Variants in CYP4V2 observed in about 807,000 individuals in gnomAD.
The protein encoded by CYP4V2 is cytochrome P450 4V2.
CYP4V2 carries 55 observed loss-of-function variants against 60.8 expected under a neutral mutation model. That is an observed-to-expected ratio of 0.90 (90% CI 0.73 to 1.13). The LOEUF (loss-of-function observed/expected upper bound fraction) is 1.13. Among genes scored for constraint, CYP4V2 ranks in the 50% most tolerant of loss-of-function variants. The pLI is 0.00. For missense variants in CYP4V2, 675 were observed against 662.9 expected, an observed-to-expected ratio of 1.02 and a Z score of -0.20; for synonymous variants, 239 against 236.8, an observed-to-expected ratio of 1.01 and a Z score of -0.08.
At chr4:186,209,906 C>G (rs907869577) in intron 10 of CYP4V2, among the ~76,000 whole-genome samples, 1 of 152,148 alleles carries the variant, frequency 6.6e-6, no homozygotes, top group African/African-American at 2.4e-5. Context: ...GTGGTAAAAA[C>G]TTTATTAATG....
intron 7 of CYP4V2, chr4:186,203,045 TAC>T (rs1736369893): frequency 7.0e-6 from 1 of 143,722 alleles, no homozygotes; most frequent in Non-Finnish European, 1.5e-5. Flanking sequence ...CATATACACA[TAC>T]ATAGATGCAC....
At chr4:186,210,369 C>T (rs1362828865) in intron 10 of CYP4V2, 100 bp from the exon 11 acceptor site, 12 of 1,510,552 alleles carry the variant, frequency 7.9e-6, no homozygotes, top group South Asian at 6.9e-5. Context: ...CCACCTACTG[C>T]GAAAATGTAA....
chr4:186,192,210 G>T (rs1211480849), intron 1 of CYP4V2, 173 bp downstream of exon 1: 2 of 817,976 alleles, frequency 2.4e-6, no homozygotes, highest in East Asian at 2.6e-5. Context: ...CGCCGACACT[G>T]CTAGTGCCCC....
Position 186,195,335 on chromosome 4 carries a change from A to G in CYP4V2, c.328-668A>G, listed in dbSNP as rs1179543081. 1.3e-5 allele frequency among the ~76,000 whole-genome samples: 2 copies of G among 151,316 alleles called. No homozygotes were observed. Among genetic ancestry groups the G allele is most frequent in the South Asian group, 2.1e-4 (1 of 4,810 alleles). On this transcript the variant is annotated intron_variant, in intron 2 of 10. Coordinates refer to ENST00000378802, the MANE Select transcript of CYP4V2 (RefSeq NM_207352.4). This position sits in a 1 kb window ranked among gnomAD's most constrained non-coding sequence, Gnocchi z 4.1. ...AGAGAAGAGAGCAAGAAGGGCAGAC[A>G]GGATTTCTGCCGCTGTTGGCCTAGT...
chr4:186,197,080 C>A lies in CYP4V2; in HGVS notation c.554C>A (p.Ala185Glu), dbSNP rs758719879. 3 of 1,613,776 alleles carry A rather than the reference C, an allele frequency of 1.9e-6. No homozygotes were observed. In the Admixed American group the frequency reaches 5.0e-5, roughly 27 times the overall value. Residue 185 changes from alanine to glutamate, a missense_variant, in exon 4 of 11, where the codon GCA (alanine) becomes GAA (glutamate). Physicochemically the swap from Ala to Glu is moderately radical, Grantham distance 107. Coordinates refer to ENST00000378802, the MANE Select transcript of CYP4V2 (RefSeq NM_207352.4). ...CTTGAAAAACACATTAACCAAGAAG[C>A]ATTTAACTGCTTTTTTTACATCACT... The part of the protein sequence containing the change: ...KKLEKHINQE[A>E]FNCFFYITLC...
Position 186,199,074 on chromosome 4 carries a change from TACC to T in CYP4V2, c.794_796del (p.Thr265del), listed in dbSNP as rs1736234824. 6.2e-7 allele frequency: 1 copy of T among 1,613,576 alleles called. No individual in the cohort carries two copies. Among genetic ancestry groups the T allele is most frequent in the South Asian group, 1.1e-5 (1 of 91,066 alleles). ...AGAGCCTTCAGATCCTACATACTTT[TACC>T]AACAGTGTAAGTCCCTGACTTTTAC... On this transcript the variant is annotated inframe_deletion, in exon 6 of 11. Transcript: ENST00000378802.
At chr4:186,202,360 T>C (rs930448730) in intron 7 of CYP4V2, 2 of 152,178 alleles carry the variant, frequency 1.3e-5, no homozygotes, top group African/African-American at 4.8e-5. Flanking sequence ...AAATCCCAGC[T>C]AACATGCTGG....
Position 186,197,047 on chromosome 4 carries a change from T to C in CYP4V2, c.521T>C (p.Val174Ala), listed in dbSNP as rs760949006. The C allele has an allele frequency of 1.2e-6, 2 of 1,613,720 alleles. No homozygotes were observed. The highest frequency in any genetic ancestry group is 3.3e-5 in the Admixed American group (2 of 59,996). Reference sequence around the variant, plus strand: ...ATGAATGAACAAGCAAATATATTGGTTAAGAAACTTGAAAAACACATTAAC... The same window carrying C: ...ATGAATGAACAAGCAAATATATTGGCTAAGAAACTTGAAAAACACATTAAC... ...DIMNEQANIL[V>A]KKLEKHINQE... is the part of the protein sequence containing the mutation. Residue 174 changes from valine (V) to alanine (A), a missense_variant, in exon 4 of 11, where the codon GTT becomes GCT. By Grantham distance (64) the Val-to-Ala change is moderately conservative. Coordinates refer to ENST00000378802, the MANE Select transcript of CYP4V2 (RefSeq NM_207352.4).
intron 1 of CYP4V2, 46 bp downstream of exon 1, chr4:186,192,083 C>G (rs950505004): frequency 9.3e-5 from 142 of 1,534,738 alleles, no homozygotes; most frequent in Non-Finnish European, 1.2e-4. Context: ...TCCGCAGCCC[C>G]GTTCCCACCC....
chr4:186,209,103 A>G lies in CYP4V2; in HGVS notation c.1236A>G (p.Arg412=). Residue 412 remains arginine, a synonymous_variant, in exon 10 of 11, where the codon AGA becomes AGG. Coordinates refer to ENST00000378802, the MANE Select transcript of CYP4V2 (RefSeq NM_207352.4). The part of the protein sequence containing the change: ...VSEDCEVAGY[R]VLKGTEAVII... ...ACTACTTCTTGACAGCAGGTTACAG[A>G]GTTCTAAAAGGCACTGAAGCCGTCA... is the stretch of plus-strand genomic sequence containing the variant. 1 of 1,614,094 alleles carries G rather than the reference A, an allele frequency of 6.2e-7. No homozygotes were observed. Among genetic ancestry groups the G allele is most frequent in the Non-Finnish European group, 8.5e-7 (1 of 1,180,018 alleles).
chr4:186,200,703 A>C (rs1009214079), intron 6 of CYP4V2, among the ~76,000 whole-genome samples: 6 of 152,310 alleles, frequency 3.9e-5, no homozygotes, highest in Admixed American at 1.3e-4. Flanking sequence ...AAAGCATTTC[A>C]GGCAGCAGAA....
intron 7 of CYP4V2, 126 bp from the exon 8 acceptor site, chr4:186,205,074 C>A: frequency 2.2e-6 from 2 of 906,252 alleles, no homozygotes; most frequent in Non-Finnish European, 3.6e-6. Context: ...GCACAGAATT[C>A]ATTTCTTATG....
chr4:186,192,187 G>A (rs1736010179), intron 1 of CYP4V2, 150 bp downstream of exon 1: 2 of 1,062,652 alleles, frequency 1.9e-6, no homozygotes, highest in African/African-American at 1.6e-5. Context: ...TCTAGTCGTT[G>A]CCCCTTGGCA....
chr4:186,197,458 T>C (rs1451290392), intron 4 of CYP4V2, 75 bp from the exon 5 acceptor site: 1 of 1,428,366 alleles, frequency 7.0e-7, no homozygotes. Context: ...GTCTTTAGTG[T>C]CTGCCGCTGC....
intron 7 of CYP4V2, chr4:186,204,318 C>T: frequency 6.7e-6 from 1 of 149,906 alleles, no homozygotes; most frequent in Non-Finnish European, 1.5e-5. Context: ...GCGGTGGAGA[C>T]GCTACGCTGG....
In CYP4V2 at chr4:186,191,953, TG is replaced by T; in HGVS notation, c.132del (p.Trp44CysfsTer22). 6.3e-7 allele frequency: 1 copy of T among 1,588,292 alleles called. No individual in the cohort carries two copies. ...GAGGGTGGCGAGCTACGCGCGGAAA[TG>T]GCAGCAGATGCGGCCCATCCCCACG... ...LQRVASYARKWQQMRPIPTVA... is the reference protein window; with the variant it reads ...LQRVASYARKXQQMRPIPTVA... On this transcript the variant is annotated frameshift_variant, in exon 1 of 11. Transcript: ENST00000378802. LOFTEE classifies it high-confidence loss of function.
At chr4:186,209,596 T>A (rs1448053872) in intron 10 of CYP4V2, among the ~76,000 whole-genome samples, 1 of 152,178 alleles carries the variant, frequency 6.6e-6, no homozygotes, top group Non-Finnish European at 1.5e-5. Flanking sequence ...TCCTGAGGCC[T>A]CTCTCCGTGG....
chr4:186,202,769 CAT>C (rs10609314), intron 7 of CYP4V2: 91,477 of 151,496 alleles, frequency 0.6, 27,953 homozygotes, highest in Non-Finnish European at 0.64. Context: ...CACACACAAA[CAT>C]ATGTATATCC....
At chr4:186,197,896 G>A (rs970986253) in intron 5 of CYP4V2, among the ~76,000 whole-genome samples, 1 of 152,108 alleles carries the variant, frequency 6.6e-6, no homozygotes, top group African/African-American at 2.4e-5. Flanking sequence ...ACAGTTTTCT[G>A]TACCATGATA....
Sources: gnomAD v4.1 joint callset for allele counts (sites outside exome capture counted in the v4.1 genomes callset) on GRCh38, gnomAD v4.1.1 for gene constraint, Gnocchi (gnomAD v3.1) non-coding constraint, MANE v1.5 for transcripts, NCBI Gene and HGNC (gene_info 2026-07-23, HGNC 2026-07-21) for gene names.